LPA: variants seen among roughly 807,000 people sequenced by gnomAD.
The protein encoded by LPA is apolipoprotein(a).
A neutral mutation model predicts 197.9 loss-of-function variants in LPA; 199 were observed. That is an observed-to-expected ratio of 1.01 (90% CI 0.90 to 1.13). LPA has a LOEUF of 1.13. Among genes scored for constraint, LPA ranks in the 50% most tolerant of loss-of-function variants. LPA has a pLI of 0.00. For synonymous variants in LPA, 715 were observed against 639.5 expected (o/e 1.12, Z -1.78); for missense variants, 1,853 against 1,785.8 (o/e 1.04, Z -0.68).
intron 24 of LPA, among the ~76,000 whole-genome samples, chr6:160,587,751 T>TTGTG (rs67979615): frequency 0.023 from 2,861 of 125,380 alleles, 48 homozygotes; most frequent in Non-Finnish European, 0.03. Context: ...GGTTCAGTCT[T>TTGTG]TGTGTGTGTG....
At chr6:160,663,705 A>G (rs111444797) in intron 1 of LPA, among the ~76,000 whole-genome samples, 7 of 152,268 alleles carry the variant, frequency 4.6e-5, no homozygotes, top group Non-Finnish European at 1.0e-4. Context: ...TAACAAAGAG[A>G]GAAATGCTGA....
chr6:160,561,149 T>G (rs984284965), intron 28 of LPA, among the ~76,000 whole-genome samples: 1 of 152,218 alleles, frequency 6.6e-6, no homozygotes, highest in Non-Finnish European at 1.5e-5. Context: ...GACCTCGTGA[T>G]CCATCCACCT....
At chr6:160,577,324 C>T (rs1203780676) in intron 27 of LPA, 29 bp from the exon 28 acceptor site, 3 of 1,607,134 alleles carry the variant, frequency 1.9e-6, no homozygotes. Context: ...AAATCATACT[C>T]AGTAATTGCA....
intron 16 of LPA, among the ~76,000 whole-genome samples, chr6:160,607,765 A>G (rs1779390271): frequency 1.3e-5 from 2 of 152,132 alleles, no homozygotes; most frequent in Admixed American, 6.5e-5. Context: ...AGCTGGTTCA[A>G]TGAGCTACAG....
intron 30 of LPA, among the ~76,000 whole-genome samples, chr6:160,550,910 A>C (rs2115006223): frequency 6.6e-6 from 1 of 152,346 alleles, no homozygotes; most frequent in Admixed American, 6.5e-5. Context: ...TTGTATGACT[A>C]GTTCACAAAT....
At chr6:160,599,852 G>A (rs528933150) in intron 19 of LPA, among the ~76,000 whole-genome samples, 193 bp from the exon 20 acceptor site, 1 of 152,292 alleles carries the variant, frequency 6.6e-6, no homozygotes, top group African/African-American at 2.4e-5. Flanking sequence ...TTCTAGAACT[G>A]TAGTAAGTTC....
rs1779197381 is a variant in LPA, at chr6:160,599,531, G to A, written c.3256C>T (p.His1086Tyr). 1.2e-6 allele frequency: 2 copies of A among 1,613,938 alleles called. No individual in the cohort carries two copies. Among genetic ancestry groups the A allele is most frequent in the African/African-American group, 1.3e-5 (1 of 74,924 alleles). ...QAWSSMTPHQ[H>Y]SRTPENYPNA... Reference sequence around the variant, plus strand: ...GGGTAGTTTTCTGGGGTCCGACTATGCTGGTGTGGTGTCATAGATGACCAA... The same window carrying A: ...GGGTAGTTTTCTGGGGTCCGACTATACTGGTGTGGTGTCATAGATGACCAA... Residue 1086 changes from histidine to tyrosine, a missense_variant, in exon 20 of 39, where the codon CAT becomes TAT. Physicochemically the swap from His to Tyr is moderately conservative, Grantham distance 83. Around this residue, in one of 3 missense-constraint regions of LPA, gnomAD observed 1,737 missense variants for 1,504.4 expected, o/e 1.15. Coordinates refer to ENST00000316300, the MANE Select transcript of LPA (RefSeq NM_005577.4).
At chr6:160,583,633 C>T (rs935689921) in intron 26 of LPA, among the ~76,000 whole-genome samples, 16 of 152,182 alleles carry the variant, frequency 1.1e-4, no homozygotes, top group African/African-American at 3.6e-4. Context: ...TCTGGAAACT[C>T]TTTCTGTGCA....
intron 30 of LPA, among the ~76,000 whole-genome samples, chr6:160,553,973 G>A (rs1057511903): frequency 4.0e-5 from 6 of 149,830 alleles, no homozygotes; most frequent in East Asian, 1.9e-4. Context: ...GCGCGTGTGC[G>A]TGTGTGTGTG....
At chr6:160,654,035 TTATATATAATATATAATATATTATA>T (rs1562354862) in intron 1 of LPA, among the ~76,000 whole-genome samples, 11 of 10,364 alleles carry the variant, frequency 1.1e-3, no homozygotes, top group African/African-American at 7.3e-3. Context: ...ATAATATATA[TTATATATAATATATAATATATTATA>T]TATATTATAT....
At chr6:160,603,498 T>C (rs1249301645) in intron 18 of LPA, among the ~76,000 whole-genome samples, 1 of 152,230 alleles carries the variant, frequency 6.6e-6, no homozygotes, top group East Asian at 1.9e-4. Flanking sequence ...CTTGATATGG[T>C]ATCTGCTTCA....
chr6:160,538,472 C>T (rs1033818227), intron 36 of LPA, among the ~76,000 whole-genome samples: 3 of 152,164 alleles, frequency 2.0e-5, no homozygotes, highest in Non-Finnish European at 4.4e-5. Context: ...TGCTAGACAT[C>T]AAATGAAAGA....
Position 160,585,129 on chromosome 6 carries a change from G to C in LPA, c.4206C>G (p.Thr1402=), listed in dbSNP as rs751717117. 15 of 1,613,742 alleles carry C rather than the reference G, an allele frequency of 9.3e-6. No homozygotes were observed. The African/African-American group carries it at 1.9e-4, about 20-fold the overall frequency. Residue 1402 remains threonine, a synonymous_variant, in exon 26 of 39, where the codon ACC becomes ACG. Coordinates refer to ENST00000316300, the MANE Select transcript of LPA (RefSeq NM_005577.4). ...DGQSYRGTLS[T]TITGRTCQSW... is the part of the protein sequence containing the mutation. ...ACTGACATGTTCTTCCTGTGATAGTGGTGGAGAGTGTGCCTCGATAACTCT... is the reference window on the plus strand; with the variant it reads ...ACTGACATGTTCTTCCTGTGATAGTCGTGGAGAGTGTGCCTCGATAACTCT...
chr6:160,589,056 G>A (rs547613768), intron 24 of LPA, among the ~76,000 whole-genome samples: 4 of 152,294 alleles, frequency 2.6e-5, no homozygotes, highest in Non-Finnish European at 5.9e-5. Flanking sequence ...GCAACACATA[G>A]CTTTTCAGAC....
In LPA at chr6:160,606,527, G is replaced by A. The variant is rs766070403; in HGVS notation, c.2735C>T (p.Ala912Val). 27 of 1,613,496 alleles carry A rather than the reference G, an allele frequency of 1.7e-5. No homozygotes were observed. The highest frequency in any genetic ancestry group is 2.2e-5 in the Non-Finnish European group (26 of 1,179,956). The part of the protein sequence containing the change: ...QCSDAEGTAV[A>V]PPTITPIPSL... ...TGGAATCGGGGTAATAGTTGGAGGC[G>A]CGACGGCAGTCCCTTCTGCGTCTGA... The change falls in exon 17 of 39, where the codon GCG (alanine) becomes GTG (valine). Residue 912 changes from alanine (A) to valine (V), a missense_variant. Physicochemically the swap from Ala to Val is moderately conservative, Grantham distance 64 (BLOSUM62 0). Transcript: ENST00000316300.
At position 160,542,690 on chromosome 6, in the gene LPA, T is replaced by C. The variant is rs770167296; in HGVS notation, c.5517A>G (p.Thr1839=). The C allele has an allele frequency of 9.3e-6, 15 of 1,613,374 alleles. No individual in the cohort carries two copies. The South Asian group carries it at 1.4e-4, about 15-fold the overall frequency. Residue 1839 remains threonine, a splice_region_variant and synonymous_variant, in exon 34 of 39, where the codon ACA becomes ACG. Transcript: ENST00000316300. ...HSWPWQVSLR[T]RFGKHFCGGT... ...ATGGTTTCTGGGCCTGTTCTTACCT[T>C]GTTCTGAGACTGACTTGCCAGGGCC...
intron 28 of LPA, among the ~76,000 whole-genome samples, chr6:160,561,470 T>C (rs1778360757): frequency 6.6e-6 from 1 of 152,256 alleles, no homozygotes; most frequent in Admixed American, 6.5e-5. Context: ...TTTTTGTTAC[T>C]GTAGCCTTGT....
intron 25 of LPA, 151 bp downstream of exon 25, chr6:160,586,298 G>A: frequency 6.9e-6 from 6 of 874,166 alleles, no homozygotes; most frequent in Non-Finnish European, 7.2e-6. Flanking sequence ...GGTCCCCCCA[G>A]AGAAGGCACT....
At chr6:160,545,191 C>T (rs1206245284) in intron 33 of LPA, among the ~76,000 whole-genome samples, 2 of 151,652 alleles carry the variant, frequency 1.3e-5, no homozygotes, top group Non-Finnish European at 1.5e-5. Flanking sequence ...TAAGTTTGCC[C>T]TTTGGGAATT....
Sources: gnomAD v4.1 joint callset for allele counts (sites outside exome capture counted in the v4.1 genomes callset) on GRCh38, gnomAD v4.1.1 for gene constraint, gnomAD v4.1.1 regional missense constraint, MANE v1.5 for transcripts, NCBI Gene and HGNC (gene_info 2026-07-23, HGNC 2026-07-21) for gene names.